Variants in ORC5 observed in about 807,000 individuals in gnomAD.
ORC5 encodes protein phosphatase 1, regulatory subunit 117.
Under a neutral mutation model 58.8 loss-of-function variants are expected in ORC5, and 39 were observed. The ratio of observed to expected loss-of-function variants is 0.66; its 90% CI spans 0.51 to 0.87. The LOEUF is 0.87. Among genes scored for constraint, ORC5 ranks in the 40% least tolerant of loss-of-function variants. The pLI is 0.00. For synonymous variants in ORC5, 218 were observed against 177.6 expected (o/e 1.23, Z -1.81); for missense variants, 493 against 506.3 (o/e 0.97, Z 0.25).
chr7:104,177,688 T>C (rs920963538), intron 8 of ORC5, among the ~76,000 whole-genome samples: 2 of 152,104 alleles, frequency 1.3e-5, no homozygotes, highest in African/African-American at 4.8e-5. Context: ...AAGCCCTGCA[T>C]GCATTAGGTA....
intron 8 of ORC5, among the ~76,000 whole-genome samples, chr7:104,171,641 C>T (rs1799212611): frequency 6.6e-6 from 1 of 152,042 alleles, no homozygotes; most frequent in South Asian, 2.1e-4. Context: ...CAAAACAGTA[C>T]TTTCCCAAGA....
At chr7:104,170,989 TC>T (rs1330148632) in intron 8 of ORC5, among the ~76,000 whole-genome samples, 1 of 152,220 alleles carries the variant, frequency 6.6e-6, no homozygotes. Context: ...GAATCTACTT[TC>T]CTTTGGATAT....
Position 104,136,328 on chromosome 7 carries a change from G to T in ORC5, c.1262+453C>A, listed in dbSNP as rs79562129. Among the ~76,000 whole-genome samples, 172 of 151,952 alleles carry T rather than the reference G, an allele frequency of 1.1e-3. 1 individual carries two copies. In the East Asian group the frequency reaches 0.018, roughly 16 times the overall value. Reference sequence around the variant, plus strand: ...AAACACAGCACAGCACACTAGATTTGATCTGCCTGTGACAACGCACAGTAG... The same window carrying T: ...AAACACAGCACAGCACACTAGATTTTATCTGCCTGTGACAACGCACAGTAG... On this transcript the variant is annotated intron_variant, in intron 13 of 13. Transcript: ENST00000297431. This position sits in a 1 kb window ranked among gnomAD's most constrained non-coding sequence, Gnocchi z 4.2.
intron 2 of ORC5, among the ~76,000 whole-genome samples, chr7:104,201,364 G>C (rs1345955139): frequency 6.6e-6 from 1 of 152,008 alleles, no homozygotes; most frequent in African/African-American, 2.4e-5. Context: ...GCCTGGAGGT[G>C]GTAAAGGCCC....
intron 1 of ORC5, among the ~76,000 whole-genome samples, chr7:104,205,460 GTC>G (rs1239615501): frequency 1.3e-5 from 2 of 151,984 alleles, no homozygotes; most frequent in South Asian, 2.1e-4. Flanking sequence ...AGAAAGTTAA[GTC>G]TCTATTAATT....
At position 104,133,713 on chromosome 7, in the gene ORC5, T is replaced by C. The variant is rs1363287554; in HGVS notation, c.1262+3068A>G. 6.6e-6 allele frequency among the ~76,000 whole-genome samples: 1 copy of C among 152,070 alleles called. No homozygotes were observed. The highest frequency in any genetic ancestry group is 1.9e-4 in the East Asian group (1 of 5,190). On this transcript the variant is annotated intron_variant, in intron 13 of 13. Transcript: ENST00000297431. The surrounding 1 kb of genome is among the most constrained non-coding windows in gnomAD (Gnocchi z 4.7). Reference sequence around the variant, plus strand: ...AAAAATGTAATATGAGAAAAGAGCCTAGGGCCAAGCCTAAAGGAACAGTTA... The same window carrying C: ...AAAAATGTAATATGAGAAAAGAGCCCAGGGCCAAGCCTAAAGGAACAGTTA...
At position 104,205,385 on chromosome 7, in the gene ORC5, G is replaced by C. The variant is rs543755644; in HGVS notation, c.73-1151C>G. On this transcript the variant is annotated intron_variant, in intron 1 of 13. Transcript: ENST00000297431. ...TTACAGGTGTGAGCCACTGTGCCTG[G>C]CCTATTTTTTAATAATACATTTTTT... 1.2e-4 allele frequency among the ~76,000 whole-genome samples: 18 copies of C among 152,074 alleles called. No individual in the cohort carries two copies. In the East Asian group the frequency reaches 3.1e-3, roughly 26 times the overall value.
chr7:104,188,561 A>G (rs1861448), intron 5 of ORC5, among the ~76,000 whole-genome samples, 180 bp from the exon 6 acceptor site: 6,688 of 152,264 alleles, frequency 0.044, 490 homozygotes, highest in African/African-American at 0.15. Flanking sequence ...TAAAAAATAT[A>G]TATTTGATCT....
At chr7:104,190,217 C>T (rs1355713401) in intron 5 of ORC5, among the ~76,000 whole-genome samples, 5 of 151,918 alleles carry the variant, frequency 3.3e-5, no homozygotes, top group Non-Finnish European at 5.9e-5. Context: ...ATCTCAACAA[C>T]CTTATTACCG....
rs114971360 is a variant in ORC5, at chr7:104,138,113, A to G, written c.1150-1220T>C. The stretch of plus-strand genomic sequence containing the variant: ...TGAGCAGCGGGACACTGAAGAAGCA[A>G]GCCACTACCCCTGGAAGGGGGACAA... On this transcript the variant is annotated intron_variant, in intron 12 of 13. Coordinates refer to ENST00000297431, the MANE Select transcript of ORC5 (RefSeq NM_002553.4). This position sits in a 1 kb window ranked among gnomAD's most constrained non-coding sequence, Gnocchi z 4.7. Among the ~76,000 whole-genome samples, 3 of 152,206 alleles carry G rather than the reference A, an allele frequency of 2.0e-5. No individual in the cohort carries two copies. Among genetic ancestry groups the G allele is most frequent in the Admixed American group, 6.5e-5 (1 of 15,286 alleles).
At chr7:104,198,957 A>G (rs748266058) in intron 3 of ORC5, among the ~76,000 whole-genome samples, 5 of 152,214 alleles carry the variant, frequency 3.3e-5, no homozygotes, top group Non-Finnish European at 7.3e-5. Flanking sequence ...GTTGCTTCAG[A>G]GAGTGCAAGC....
At chr7:104,127,212 T>C (rs74799980) in intron 13 of ORC5, among the ~76,000 whole-genome samples, 2,189 of 152,332 alleles carry the variant, frequency 0.014, 55 homozygotes, top group South Asian at 0.12. Flanking sequence ...TTGCTTTGTC[T>C]AATAACCAGA....
rs1562802867 is a variant in ORC5 at position 104,136,797 on chromosome 7, T to C, written c.1246A>G (p.Ile416Val). ...KYKCTVSLDF[I>V]RAIARTVNFD... ...ACATTTTACCTTGCAATAGCTCTGA[T>C]GAAGTCTAGAGACACTGTGCATTTG... Residue 416 changes from isoleucine (I) to valine (V), a missense_variant, in exon 13 of 14, where the codon ATC becomes GTC. Ile to Val is a conservative substitution (Grantham distance 29, BLOSUM62 3). Coordinates refer to ENST00000297431, the MANE Select transcript of ORC5 (RefSeq NM_002553.4). This position sits in a 1 kb window ranked among gnomAD's most constrained non-coding sequence, Gnocchi z 4.2. 8.1e-6 allele frequency: 13 copies of C among 1,610,644 alleles called. No homozygotes were observed. Among genetic ancestry groups the C allele is most frequent in the Non-Finnish European group, 1.1e-5 (13 of 1,176,910 alleles).
chr7:104,139,666 G>C (rs1798642247), intron 12 of ORC5, among the ~76,000 whole-genome samples: 1 of 151,984 alleles, frequency 6.6e-6, no homozygotes, highest in African/African-American at 2.4e-5. Context: ...AAAAGGCTAA[G>C]ACTTTAATTT....
intron 8 of ORC5, 72 bp from the exon 9 acceptor site, chr7:104,168,597 C>T (rs1799148669): frequency 3.6e-6 from 3 of 824,660 alleles, no homozygotes; most frequent in South Asian, 2.8e-5. Flanking sequence ...AAAACAGAGC[C>T]CTAGAAAAAC....
chr7:104,183,036 G>A (rs1416342357), intron 8 of ORC5, among the ~76,000 whole-genome samples: 1 of 152,158 alleles, frequency 6.6e-6, no homozygotes, highest in Admixed American at 6.5e-5. Context: ...TCGAGGGGCT[G>A]AGGCAGGAGA....
At chr7:104,170,523 G>A (rs1799192707) in intron 8 of ORC5, among the ~76,000 whole-genome samples, 1 of 152,160 alleles carries the variant, frequency 6.6e-6, no homozygotes. Flanking sequence ...AATGAAGGCA[G>A]CCTCTAGAAG....
rs1484244328 is a variant in ORC5 at position 104,138,480 on chromosome 7, T to C, written c.1150-1587A>G. Among the ~76,000 whole-genome samples, 1 of 151,996 alleles carries C rather than the reference T, an allele frequency of 6.6e-6. No homozygotes were observed. Among genetic ancestry groups the C allele is most frequent in the Non-Finnish European group, 1.5e-5 (1 of 67,964 alleles). On this transcript the variant is annotated intron_variant, in intron 12 of 13. Coordinates refer to ENST00000297431, the MANE Select transcript of ORC5 (RefSeq NM_002553.4). This position sits in a 1 kb window ranked among gnomAD's most constrained non-coding sequence, Gnocchi z 4.7. ...ATACATCCTTCAGACCTGGGCTTAG[T>C]CTTGGTTTAAAACTTTCTTTCCTTC...
chr7:104,134,254 C>A (rs564907644), intron 13 of ORC5, among the ~76,000 whole-genome samples: 1 of 151,538 alleles, frequency 6.6e-6, no homozygotes, highest in Non-Finnish European at 1.5e-5. Context: ...GAAACTCTGT[C>A]TCTGCTAAAA....
Sources: allele counts gnomAD v4.1 joint callset (sites outside exome capture counted in the v4.1 genomes callset), GRCh38; gene constraint gnomAD v4.1.1; non-coding constraint Gnocchi (gnomAD v3.1); transcripts MANE v1.5; gene names NCBI Gene and HGNC (gene_info 2026-07-23, HGNC 2026-07-21).